Variants in TSC2 observed in about 807,000 individuals in gnomAD.
TSC2 encodes the protein tuberin.
A neutral mutation model predicts 202.2 loss-of-function variants in TSC2; 29 were observed. The observed-to-expected ratio is 0.14, with a 90% CI of 0.11 to 0.20. The LOEUF (loss-of-function observed/expected upper bound fraction) is 0.20, where lower values mean the gene tolerates loss of function less well. Among genes scored for constraint, TSC2 ranks in the 10% least tolerant of loss-of-function variants. The pLI, the probability that TSC2 is intolerant of heterozygous loss-of-function variation, is 1.00. For missense variants in TSC2, 2,429 were observed against 2,420.0 expected, an observed-to-expected ratio of 1.00 and a Z score of -0.08; for synonymous variants, 1,349 against 1,044.0, an observed-to-expected ratio of 1.29 and a Z score of -5.63.
chr16:2,084,456 C>A lies in TSC2; in HGVS notation c.4234C>A (p.Pro1412Thr), dbSNP rs1480313663. The change falls in exon 34 of 42, where the codon CCT (proline) becomes ACT (threonine). Residue 1412 changes from proline (P) to threonine (T), a missense_variant. By Grantham distance (38) the Pro-to-Thr change is conservative. Coordinates refer to ENST00000219476, the MANE Select transcript of TSC2 (RefSeq NM_000548.5). ...CAAGGCCGACGTGGGCCGGCTGAGC[C>A]CTGAGGTTAAGGCCCGGTCACAGTC... Reference protein sequence around the residue: ...GDKADVGRLSPEVKARSQSGT... With the variant: ...GDKADVGRLSTEVKARSQSGT... 1.2e-6 allele frequency: 2 copies of A among 1,609,466 alleles called. No homozygotes were observed. The highest frequency in any genetic ancestry group is 1.7e-5 in the Admixed American group (1 of 59,680).
In TSC2 at chr16:2,084,379, G is replaced by C. The variant is rs1555514071; in HGVS notation, c.4157G>C (p.Ser1386Thr). The change falls in exon 34 of 42, where the codon AGC becomes ACC. Residue 1386 changes from serine (S) to threonine (T), a missense_variant. Coordinates refer to ENST00000219476, the MANE Select transcript of TSC2 (RefSeq NM_000548.5). Reference sequence around the variant, plus strand: ...CCCTCGCAGCCCCTGAGCAAGTCCAGCTCCTCTCCCGAGCTGCAGACTCTG... The same window carrying C: ...CCCTCGCAGCCCCTGAGCAAGTCCACCTCCTCTCCCGAGCTGCAGACTCTG... ...FQPSQPLSKS[S>T]SSPELQTLQD... 1.9e-6 allele frequency: 3 copies of C among 1,612,466 alleles called. No individual in the cohort carries two copies. Among genetic ancestry groups the C allele is most frequent in the South Asian group, 1.1e-5 (1 of 90,996 alleles).
chr16:2,087,599 G>A (rs2090998952), intron 38 of TSC2, among the ~76,000 whole-genome samples: 3 of 152,080 alleles, frequency 2.0e-5, no homozygotes. Context: ...CAGACACCCT[G>A]GGGGCCCCAG....
chr16:2,050,060 A>G (rs1385195954), intron 2 of TSC2, among the ~76,000 whole-genome samples: 3 of 144,012 alleles, frequency 2.1e-5, no homozygotes, highest in African/African-American at 5.2e-5. Context: ...GGTTCAAGGG[A>G]TTCTCCTGCC....
At chr16:2,084,823 T>G in intron 34 of TSC2, 108 bp downstream of exon 34, 1 of 1,598,598 alleles carries the variant, frequency 6.3e-7, no homozygotes, top group African/African-American at 1.3e-5. Flanking sequence ...GCCTGTGCCC[T>G]AGGGCTGGCT....
chr16:2,057,567 C>T (rs983426430), intron 9 of TSC2, among the ~76,000 whole-genome samples: 14 of 152,160 alleles, frequency 9.2e-5, no homozygotes, highest in East Asian at 1.9e-4. Flanking sequence ...CTGCCCACAC[C>T]CTGGCCTCCC....
At chr16:2,063,309 G>T (rs114236708) in intron 14 of TSC2, 1 of 593,824 alleles carries the variant, frequency 1.7e-6, no homozygotes, top group Admixed American at 2.9e-5. Context: ...AGCTCCGGCC[G>T]GTTTTCACCC....
chr16:2,068,349 T>C (rs1463647496), intron 16 of TSC2, among the ~76,000 whole-genome samples: 1 of 152,138 alleles, frequency 6.6e-6, no homozygotes, highest in African/African-American at 2.4e-5. Context: ...CTGTTTTCAT[T>C]TCTTTTGTTA....
At position 2,077,705 on chromosome 16, in the gene TSC2, T is replaced by C. The variant is rs761189910; in HGVS notation, c.2945T>C (p.Val982Ala). ...AEAFRCRSIS[V>A]SEHVVRSRIQ... is the part of the protein sequence containing the mutation. ...GCCTTCCGGTGCCGCAGCATCAGTG[T>C]GTCTGAACATGTGGTCCGCAGGTAG... Residue 982 changes from valine (V) to alanine (A), a missense_variant, in exon 26 of 42, where the codon GTG becomes GCG. Transcript: ENST00000219476. 1 of 1,612,974 alleles carries C rather than the reference T, an allele frequency of 6.2e-7. No homozygotes were observed. The highest frequency in any genetic ancestry group is 1.7e-4 in the Middle Eastern group (1 of 6,022).
intron 21 of TSC2, among the ~76,000 whole-genome samples, chr16:2,073,812 G>A (rs145480287): frequency 1.3e-5 from 2 of 152,404 alleles, no homozygotes; most frequent in East Asian, 1.9e-4. Flanking sequence ...ATCTGGCCCC[G>A]GGCTCTGCCT....
rs1276236956 is a variant in TSC2 at position 2,075,841 on chromosome 16, A to G, written c.2588A>G (p.Glu863Gly). 6.2e-7 allele frequency: 1 copy of G among 1,613,016 alleles called. No individual in the cohort carries two copies. The highest frequency in any genetic ancestry group is 8.5e-7 in the Non-Finnish European group (1 of 1,179,972). The change falls in exon 23 of 42, where the codon GAG (glutamate) becomes GGG (glycine). Residue 863 changes from glutamate to glycine, a missense_variant. Physicochemically the swap from Glu to Gly is moderately conservative, Grantham distance 98. Coordinates refer to ENST00000219476, the MANE Select transcript of TSC2 (RefSeq NM_000548.5). ...LPHLYRNFAAEQYASVFAISL... is the reference protein window; with the variant it reads ...LPHLYRNFAAGQYASVFAISL... ...CACCTCTACAGGAACTTTGCCGCGG[A>G]GCAGTATGCCAGTGTGTTCGCCATC...
At chr16:2,057,222 G>T (rs1047683478) in intron 9 of TSC2, 44 bp downstream of exon 9, 6 of 1,549,066 alleles carry the variant, frequency 3.9e-6, no homozygotes, top group Admixed American at 2.0e-5. Context: ...GGCCAGCACA[G>T]CCCTCGGGGC....
rs772296140 is a variant in TSC2 at position 2,053,389 on chromosome 16, G to T, written c.273G>T (p.Pro91=). The T allele has an allele frequency of 5.7e-6, 9 of 1,592,510 alleles. No individual in the cohort carries two copies. The highest frequency in any genetic ancestry group is 7.7e-6 in the Non-Finnish European group (9 of 1,170,596). ...AGGCGGTCGCGGATCTGTTGCAGCC[G>T]GAGCGGCCGCTGGAGGCCCGGCACG... ...LWKAVADLLQ[P]ERPLEARHAV... is the part of the protein sequence containing the mutation. The change falls in exon 4 of 42, where the codon CCG becomes CCT. Residue 91 remains proline, a synonymous_variant. Transcript: ENST00000219476.
intron 19 of TSC2, 138 bp from the exon 20 acceptor site, chr16:2,072,103 G>C: frequency 1.3e-6 from 2 of 1,540,504 alleles, no homozygotes; most frequent in Non-Finnish European, 1.7e-6. Flanking sequence ...GGCCTGCGCT[G>C]GGCAGGCTCC....
chr16:2,087,032 C>T (rs921031374), intron 38 of TSC2, 161 bp downstream of exon 38: 41 of 1,106,352 alleles, frequency 3.7e-5, no homozygotes, highest in East Asian at 1.3e-4. Flanking sequence ...CCCGAGCCTG[C>T]GTTGTGTCCT....
At chr16:2,062,671 C>T (rs2086790596) in intron 13 of TSC2, 71 bp downstream of exon 13, 1 of 1,497,576 alleles carries the variant, frequency 6.7e-7, no homozygotes, top group Non-Finnish European at 9.1e-7. Context: ...CCCACCCGGG[C>T]TGGGTCTCAG....
intron 9 of TSC2, 64 bp from the exon 10 acceptor site, chr16:2,058,683 C>T: frequency 1.3e-6 from 2 of 1,547,318 alleles, no homozygotes; most frequent in Non-Finnish European, 1.7e-6. Flanking sequence ...CAACCTCACA[C>T]ATCCATGGCG....
rs766665967 is a variant in TSC2 at position 2,086,249 on chromosome 16, G to A, written c.4719G>A (p.Glu1573=). ...SNEHGSYRYT[E]FLTGLGRLIE... is the part of the protein sequence containing the mutation. ...AGCATGGCTCCTACAGGTACACGGA[G>A]TTCCTGACGGGCCTGGGCCGGCTCA... Residue 1573 remains glutamate, a synonymous_variant, in exon 37 of 42, where the codon GAG becomes GAA. Coordinates refer to ENST00000219476, the MANE Select transcript of TSC2 (RefSeq NM_000548.5). 5.6e-6 allele frequency: 9 copies of A among 1,612,736 alleles called. No individual in the cohort carries two copies. In the Admixed American group the frequency reaches 1.5e-4, roughly 27 times the overall value.
rs1007232729 is a variant in TSC2 at position 2,056,720 on chromosome 16, C to A, written c.725C>A (p.Thr242Asn). 2 of 1,612,250 alleles carry A rather than the reference C, an allele frequency of 1.2e-6. No homozygotes were observed. The highest frequency in any genetic ancestry group is 1.7e-6 in the Non-Finnish European group (2 of 1,180,026). ...PAESLPLFIV[T>N]LCRTINVKEL... The stretch of plus-strand genomic sequence containing the variant: ...GAGAGCCTCCCGCTGTTCATCGTTA[C>A]CCTCTGTCGCACCATCAACGTCAAG... The change falls in exon 8 of 42, where the codon ACC becomes AAC. Residue 242 changes from threonine (T) to asparagine (N), a missense_variant. Thr to Asn is a moderately conservative substitution (Grantham distance 65). Coordinates refer to ENST00000219476, the MANE Select transcript of TSC2 (RefSeq NM_000548.5).
At position 2,048,076 on chromosome 16, in the gene TSC2, G is replaced by T; in HGVS notation, c.-30+11G>T. The stretch of plus-strand genomic sequence containing the variant: ...GTGGCGCGGCGCGGGGTAAGTGGCG[G>T]TCCCCACGGGGCAAGTGGCGGTCCC... On this transcript the variant is annotated intron_variant, in intron 1 of 41. Transcript: ENST00000219476. 7.0e-7 allele frequency: 1 copy of T among 1,424,816 alleles called. No homozygotes were observed. Among genetic ancestry groups the T allele is most frequent in the Non-Finnish European group, 9.1e-7 (1 of 1,096,746 alleles). The allele number at this position is 1,424,816 out of a possible 1,614,324, so 88.3% of individuals were successfully genotyped here.
Sources: gnomAD v4.1 joint callset for allele counts (sites outside exome capture counted in the v4.1 genomes callset) on GRCh38, gnomAD v4.1.1 for gene constraint, MANE v1.5 for transcripts, NCBI Gene and HGNC (gene_info 2026-07-23, HGNC 2026-07-21) for gene names.